Variants in ERC2 observed in about 807,000 individuals in gnomAD.
ERC2 encodes ERC protein 2.
In ERC2, 42 loss-of-function variants were observed where a neutral mutation model predicts 114.8. The ratio of observed to expected loss-of-function variants is 0.37; its 90% confidence interval spans 0.29 to 0.47. The LOEUF is 0.47. Among genes scored for constraint, ERC2 ranks in the 20% least tolerant of loss-of-function variants. The pLI is 0.99. For missense variants in ERC2, 939 were observed against 1,150.7 expected (o/e 0.82, Z 2.66); for synonymous variants, 454 against 425.5 (o/e 1.07, Z -0.82).
In ERC2 at chr3:55,699,499, A is replaced by C; in HGVS notation, c.2726T>G (p.Met909Arg). The C allele has an allele frequency of 6.2e-7, 1 of 1,613,000 alleles. No homozygotes were observed. Among genetic ancestry groups the C allele is most frequent in the Non-Finnish European group, 8.5e-7 (1 of 1,179,190 alleles). ...ATCATAGTTGTCTGCCATCAACTTC[A>C]TTCTGTTCTGGGTCTGTGCAGAACA... ...HQLKQQTQNR[M>R]KLMADNYDDD... The change falls in exon 16 of 18, where the codon ATG becomes AGG. Residue 909 changes from methionine (M) to arginine (R), a missense_variant. By Grantham distance (91) the Met-to-Arg change is moderately conservative. Around this residue, in one of 5 missense-constraint regions of ERC2, gnomAD observed 328 missense variants for 353.9 expected, o/e 0.93. Coordinates refer to ENST00000288221, the MANE Select transcript of ERC2 (RefSeq NM_015576.3).
intron 15 of ERC2, among the ~76,000 whole-genome samples, chr3:55,711,347 C>T (rs1214002919): frequency 1.3e-5 from 2 of 152,132 alleles, no homozygotes; most frequent in East Asian, 1.9e-4. Context: ...GTAATGTTCT[C>T]CCTCCCTCTG....
chr3:55,878,097 A>G (rs2062948300), intron 14 of ERC2, among the ~76,000 whole-genome samples: 1 of 152,228 alleles, frequency 6.6e-6, no homozygotes, highest in Non-Finnish European at 1.5e-5. Context: ...CTGTGAAGAT[A>G]GAGATAACAT....
chr3:55,993,085 T>G (rs1439923263), intron 10 of ERC2, among the ~76,000 whole-genome samples: 1 of 152,144 alleles, frequency 6.6e-6, no homozygotes, highest in African/African-American at 2.4e-5. Flanking sequence ...AATAAACTTT[T>G]GGCTGAAATA....
intron 2 of ERC2, among the ~76,000 whole-genome samples, chr3:56,334,238 G>A (rs933896674): frequency 6.6e-6 from 1 of 152,210 alleles, no homozygotes; most frequent in Non-Finnish European, 1.5e-5. Context: ...AGCCAAATCT[G>A]CAGTAGGACT....
At chr3:55,993,460 ATAC>A (rs1272196471) in intron 10 of ERC2, among the ~76,000 whole-genome samples, 15 of 152,210 alleles carry the variant, frequency 9.9e-5, no homozygotes, top group Admixed American at 3.3e-4. Context: ...ATTAATACTA[ATAC>A]TACGGTTAGA....
At chr3:55,816,024 C>A (rs530136061) in intron 14 of ERC2, among the ~76,000 whole-genome samples, 11 of 152,218 alleles carry the variant, frequency 7.2e-5, no homozygotes, top group Non-Finnish European at 1.3e-4. Flanking sequence ...GGACTGCTCC[C>A]AGGGACTTTA....
intron 3 of ERC2, among the ~76,000 whole-genome samples, chr3:56,218,466 C>T (rs1464466679): frequency 1.3e-5 from 2 of 152,092 alleles, no homozygotes; most frequent in Non-Finnish European, 1.5e-5. Flanking sequence ...GTTAGAATGG[C>T]GATCATTAAA....
intron 3 of ERC2, among the ~76,000 whole-genome samples, chr3:56,284,242 G>T (rs1475981442): frequency 6.6e-6 from 1 of 152,196 alleles, no homozygotes; most frequent in Non-Finnish European, 1.5e-5. Flanking sequence ...ACTTGGTCAA[G>T]TGGGTCAAAA....
intron 16 of ERC2, among the ~76,000 whole-genome samples, chr3:55,690,506 C>T (rs545895653): frequency 6.4e-4 from 97 of 152,270 alleles, no homozygotes; most frequent in Middle Eastern, 6.8e-3. Context: ...TGCCAAGATG[C>T]GTTGCATCTG....
At chr3:55,567,745 T>A (rs941677724) in intron 17 of ERC2, among the ~76,000 whole-genome samples, 20 of 152,046 alleles carry the variant, frequency 1.3e-4, no homozygotes, top group Non-Finnish European at 2.6e-4. Flanking sequence ...CAGTGGCCAA[T>A]GGAAGCAGGA....
intron 7 of ERC2, among the ~76,000 whole-genome samples, chr3:56,077,367 G>C (rs1366731841): frequency 6.6e-6 from 1 of 152,152 alleles, no homozygotes; most frequent in African/African-American, 2.4e-5. Flanking sequence ...AAATAAACAT[G>C]AAACATTTCC....
At chr3:55,527,932 T>C (rs1025749709) in intron 17 of ERC2, among the ~76,000 whole-genome samples, 4 of 151,998 alleles carry the variant, frequency 2.6e-5, no homozygotes, top group Non-Finnish European at 5.9e-5. Flanking sequence ...CAGGGTAGAG[T>C]CAGAGGCCAC....
At chr3:55,931,688 A>G (rs940322076) in intron 13 of ERC2, among the ~76,000 whole-genome samples, 7 of 152,122 alleles carry the variant, frequency 4.6e-5, no homozygotes, top group Admixed American at 3.3e-4. Flanking sequence ...CCAGCATGGC[A>G]CATGTATACC....
chr3:56,425,541 C>T (rs6777491), intron 2 of ERC2, among the ~76,000 whole-genome samples: 6,471 of 149,142 alleles, frequency 0.043, 361 homozygotes, highest in African/African-American at 0.12. Context: ...AACTAACCAA[C>T]TCCACCCCGA....
chr3:55,796,265 C>CT (rs752603733), intron 14 of ERC2, among the ~76,000 whole-genome samples: 5 of 151,262 alleles, frequency 3.3e-5, no homozygotes, highest in Admixed American at 6.6e-5. Context: ...GAAAAGTGAA[C>CT]TATTGGGCCT....
intron 3 of ERC2, among the ~76,000 whole-genome samples, chr3:56,294,868 C>T (rs1049220447): frequency 1.3e-5 from 2 of 152,120 alleles, no homozygotes; most frequent in East Asian, 3.9e-4. Flanking sequence ...AATATGAAAC[C>T]AAGCCATGTG....
At chr3:55,978,176 C>T (rs1038132729) in intron 12 of ERC2, among the ~76,000 whole-genome samples, 2 of 152,142 alleles carry the variant, frequency 1.3e-5, no homozygotes, top group Non-Finnish European at 2.9e-5. Flanking sequence ...CCTCTAAACG[C>T]AATATCAGAT....
intron 14 of ERC2, among the ~76,000 whole-genome samples, chr3:55,821,089 C>T (rs1399824128): frequency 6.6e-6 from 1 of 152,084 alleles, no homozygotes; most frequent in Non-Finnish European, 1.5e-5. Flanking sequence ...AAGAAACCTT[C>T]AAAATGAGTT....
intron 2 of ERC2, among the ~76,000 whole-genome samples, chr3:56,389,600 A>G (rs2060055994): frequency 6.6e-6 from 1 of 152,168 alleles, no homozygotes; most frequent in Non-Finnish European, 1.5e-5. Flanking sequence ...AGGAGACCAG[A>G]CATTAGGTCA....
Sources: allele counts gnomAD v4.1 joint callset (sites outside exome capture counted in the v4.1 genomes callset), GRCh38; gene constraint gnomAD v4.1.1; regional missense constraint gnomAD v4.1.1; transcripts MANE v1.5; gene names NCBI Gene and HGNC (gene_info 2026-07-23, HGNC 2026-07-21).